The following TRAPPC10 variants were observed in gnomAD, a reference collection of about 807,000 sequenced individuals.
TRAPPC10 encodes the protein trafficking protein particle complex subunit 10, also known as TRAPP 130 kDa subunit.
A neutral mutation model predicts 125.5 loss-of-function variants in TRAPPC10; 23 were observed. The ratio of observed to expected loss-of-function variants is 0.18; its 90% CI spans 0.13 to 0.26. The LOEUF is 0.26. Among genes scored for constraint, TRAPPC10 ranks in the 10% least tolerant of loss-of-function variants. TRAPPC10 has a pLI of 1.00. For missense variants in TRAPPC10, 1,123 were observed against 1,308.4 expected (o/e 0.86, Z 2.19); for synonymous variants, 509 against 518.0 (o/e 0.98, Z 0.24).
chr21:44,023,944 T>A (rs2032813563), intron 1 of TRAPPC10, among the ~76,000 whole-genome samples: 2 of 152,054 alleles, frequency 1.3e-5, no homozygotes, highest in South Asian at 4.1e-4. Flanking sequence ...TGCCATCACA[T>A]CTGGCTAATT....
chr21:44,051,281 A>G (rs956512475), intron 3 of TRAPPC10, among the ~76,000 whole-genome samples: 6 of 152,316 alleles, frequency 3.9e-5, no homozygotes, highest in African/African-American at 1.2e-4. Flanking sequence ...AGTGACTTGA[A>G]AGTCCGGAGG....
intron 5 of TRAPPC10, 79 bp downstream of exon 5, chr21:44,055,972 C>G: frequency 8.0e-7 from 1 of 1,251,794 alleles, no homozygotes; most frequent in Non-Finnish European, 1.1e-6. Flanking sequence ...TCCTTTCTTT[C>G]TAAGTAAGGC....
intron 3 of TRAPPC10, among the ~76,000 whole-genome samples, chr21:44,050,309 A>G (rs2035145181): frequency 6.6e-6 from 1 of 151,670 alleles, no homozygotes; most frequent in Non-Finnish European, 1.5e-5. Context: ...AGTTCCTGCA[A>G]ATTGACTGAG....
intron 20 of TRAPPC10, 66 bp downstream of exon 20, chr21:44,094,299 A>G (rs979866074): frequency 1.4e-6 from 2 of 1,441,062 alleles, no homozygotes; most frequent in Non-Finnish European, 1.9e-6. Flanking sequence ...TGTTCTTTAT[A>G]ATCTGAAGAA....
Position 44,087,713 on chromosome 21 carries a change from G to A in TRAPPC10, c.2554G>A (p.Ala852Thr). ...YSNTREQSSE[A>T]ALRIQSSDKV... ...GTCCTTCGTAGAACAGTCTTCTGAG[G>A]CCGCGCTCCGGATTCAGTCCTCCGA... The change falls in exon 17 of 23, where the codon GCC (alanine) becomes ACC (threonine). Residue 852 changes from alanine to threonine, a missense_variant. Ala to Thr is a moderately conservative substitution (Grantham distance 58). Coordinates refer to ENST00000291574, the MANE Select transcript of TRAPPC10 (RefSeq NM_003274.5). This position sits in a 1 kb window ranked among gnomAD's most constrained non-coding sequence, Gnocchi z 4.6. 3.1e-6 allele frequency: 5 copies of A among 1,613,714 alleles called. No homozygotes were observed. Among genetic ancestry groups the A allele is most frequent in the Non-Finnish European group, 4.2e-6 (5 of 1,180,028 alleles).
chr21:44,046,861 G>A, intron 3 of TRAPPC10: 1 of 743,484 alleles, frequency 1.3e-6, no homozygotes, highest in Admixed American at 1.9e-5. Flanking sequence ...CTGCAGCGAG[G>A]TACTCCAGGA....
intron 1 of TRAPPC10, among the ~76,000 whole-genome samples, chr21:44,015,637 C>CA (rs2031747342): frequency 6.8e-6 from 1 of 147,992 alleles, no homozygotes; most frequent in Non-Finnish European, 1.5e-5. Context: ...CTGTCTGAGA[C>CA]AGAGTCTTGT....
Position 44,061,906 on chromosome 21 carries a change from A to G in TRAPPC10, c.791-1632A>G, listed in dbSNP as rs539464069. ...TAACCTATACATTCTAACTGAGGGCATTTGTTAGCCTCAGGCAGGCTGGTA... is the reference window on the plus strand; with the variant it reads ...TAACCTATACATTCTAACTGAGGGCGTTTGTTAGCCTCAGGCAGGCTGGTA... On this transcript the variant is annotated intron_variant, in intron 6 of 22. Transcript: ENST00000291574. 1.2e-4 allele frequency among the ~76,000 whole-genome samples: 19 copies of G among 152,336 alleles called. No individual in the cohort carries two copies. The South Asian group carries it at 1.9e-3, about 15-fold the overall frequency.
chr21:44,056,006 C>CA, intron 5 of TRAPPC10, 113 bp downstream of exon 5: 1 of 983,800 alleles, frequency 1.0e-6, no homozygotes, highest in South Asian at 2.6e-5. Context: ...ATCTCATTGG[C>CA]AGAGTTTTTA....
In TRAPPC10 at chr21:44,037,923, G is replaced by T; in HGVS notation, c.281G>T (p.Cys94Phe). Residue 94 changes from cysteine to phenylalanine, a missense_variant, in exon 3 of 23, where the codon TGC (cysteine) becomes TTC (phenylalanine). Cys to Phe is a radical substitution (Grantham distance 205). This residue lies in a region of TRAPPC10 where 177 missense variants were observed against 228.9 expected (regional missense o/e 0.77). Coordinates refer to ENST00000291574, the MANE Select transcript of TRAPPC10 (RefSeq NM_003274.5). The part of the protein sequence containing the change: ...FPFLHIYWTE[C>F]CDTEVYKATV... ...TTCCTCCATATTTACTGGACAGAGT[G>T]CTGTGTGAGTACCAGCAGGGGAAGA... The T allele has an allele frequency of 6.2e-7, 1 of 1,613,372 alleles. No homozygotes were observed. Among genetic ancestry groups the T allele is most frequent in the South Asian group, 1.1e-5 (1 of 91,006 alleles).
At chr21:44,016,721 T>C (rs576987164) in intron 1 of TRAPPC10, among the ~76,000 whole-genome samples, 31 of 152,186 alleles carry the variant, frequency 2.0e-4, no homozygotes, top group Non-Finnish European at 1.6e-4. Context: ...TGCAGTGGTG[T>C]GATCTTGGCT....
chr21:44,060,726 G>T (rs1222592574), intron 6 of TRAPPC10, among the ~76,000 whole-genome samples: 1 of 149,684 alleles, frequency 6.7e-6, no homozygotes, highest in Non-Finnish European at 1.5e-5. Flanking sequence ...TAAGCCTCCT[G>T]AGTAGCTGGG....
At chr21:44,068,012 C>T (rs1020962419) in intron 7 of TRAPPC10, among the ~76,000 whole-genome samples, 22 of 150,980 alleles carry the variant, frequency 1.5e-4, no homozygotes, top group Non-Finnish European at 1.8e-4. Flanking sequence ...CCCAGCTACT[C>T]GGGAGGCTGG....
intron 13 of TRAPPC10, among the ~76,000 whole-genome samples, chr21:44,080,567 T>C (rs904439096): frequency 3.9e-5 from 6 of 151,938 alleles, no homozygotes; most frequent in African/African-American, 1.4e-4. Context: ...AGACAGAGTC[T>C]CGCTCTGTTG....
chr21:44,093,624 G>T (rs965369367), intron 19 of TRAPPC10, among the ~76,000 whole-genome samples: 1 of 152,028 alleles, frequency 6.6e-6, no homozygotes, highest in African/African-American at 2.4e-5. Flanking sequence ...TGGGCATGGC[G>T]GCGTGCATCT....
At chr21:44,046,918 G>A (rs1159410744) in intron 3 of TRAPPC10, 6 of 845,332 alleles carry the variant, frequency 7.1e-6, no homozygotes, top group South Asian at 1.3e-5. Flanking sequence ...GTCCATGACT[G>A]GCCGTCCTAC....
chr21:44,085,405 G>A (rs981929374), intron 15 of TRAPPC10, among the ~76,000 whole-genome samples: 6 of 152,160 alleles, frequency 3.9e-5, no homozygotes, highest in Admixed American at 1.3e-4. Context: ...CGTTTCAAAT[G>A]CTAAACACTA....
chr21:44,083,077 G>T lies in TRAPPC10; in HGVS notation c.2013G>T (p.Leu671Phe). ...CTTTCCCTGTATCCCAAAACAGTTT[G>T]CCCGCGCTGGAGTTGTATGAAATGT... ...TAPFPVSQNSLPALELYEMFE... is the reference protein window; with the variant it reads ...TAPFPVSQNSFPALELYEMFE... Residue 671 changes from leucine to phenylalanine, a missense_variant, in exon 14 of 23, where the codon TTG becomes TTT. Leu to Phe is a conservative substitution (Grantham distance 22). Around this residue, in one of 4 missense-constraint regions of TRAPPC10, gnomAD observed 840 missense variants for 902.0 expected, o/e 0.93. Transcript: ENST00000291574. 1 of 1,614,048 alleles carries T rather than the reference G, an allele frequency of 6.2e-7. No homozygotes were observed. Among genetic ancestry groups the T allele is most frequent in the Non-Finnish European group, 8.5e-7 (1 of 1,180,016 alleles).
At chr21:44,062,103 A>G (rs1480555728) in intron 6 of TRAPPC10, among the ~76,000 whole-genome samples, 1 of 152,246 alleles carries the variant, frequency 6.6e-6, no homozygotes, top group East Asian at 1.9e-4. Context: ...CAAGGCTGAA[A>G]TATCTTACAT....
Sources: allele counts gnomAD v4.1 joint callset (sites outside exome capture counted in the v4.1 genomes callset), GRCh38; gene constraint gnomAD v4.1.1; regional missense constraint gnomAD v4.1.1; non-coding constraint Gnocchi (gnomAD v3.1); transcripts MANE v1.5; gene names NCBI Gene and HGNC (gene_info 2026-07-23, HGNC 2026-07-21).